CNOT2: variants seen among roughly 807,000 people sequenced by gnomAD.
CNOT2 encodes the protein CC chemokine receptor 4-negative regulator of transcription 2.
Under a neutral mutation model 72.1 loss-of-function variants are expected in CNOT2, and 7 were observed. The ratio of observed to expected loss-of-function variants is 0.10; its 90% CI spans 0.06 to 0.18. The LOEUF (loss-of-function observed/expected upper bound fraction) is 0.18, where lower values mean the gene tolerates loss of function less well. CNOT2 is among the 10% of genes least tolerant of loss of function. The pLI is 1.00. For missense variants in CNOT2, 345 were observed against 660.3 expected, an observed-to-expected ratio of 0.52 and a Z score of 5.23; for synonymous variants, 196 against 225.6, an observed-to-expected ratio of 0.87 and a Z score of 1.17.
intron 3 of CNOT2, among the ~76,000 whole-genome samples, chr12:70,314,553 G>A (rs973455181): frequency 6.6e-6 from 1 of 152,098 alleles, no homozygotes; most frequent in Non-Finnish European, 1.5e-5. Flanking sequence ...CCGTAAATTT[G>A]TACTTCAGCT....
chr12:70,336,212 A>T (rs866559804), intron 8 of CNOT2: 1 of 152,212 alleles, frequency 6.6e-6, no homozygotes, highest in African/African-American at 2.4e-5. Flanking sequence ...GTTGAAAACC[A>T]TTGCTCATGG....
intron 11 of CNOT2, among the ~76,000 whole-genome samples, chr12:70,341,636 T>C (rs1881520380): frequency 6.6e-6 from 1 of 152,186 alleles, no homozygotes; most frequent in Admixed American, 6.6e-5. Flanking sequence ...TGTCGTAAGC[T>C]CCTAGAACAG....
intron 4 of CNOT2, among the ~76,000 whole-genome samples, 155 bp downstream of exon 4, chr12:70,319,519 A>G (rs1404124): frequency 0.14 from 21,923 of 151,788 alleles, 1,924 homozygotes; most frequent in Admixed American, 0.28. Context: ...TTACATAGCA[A>G]AACCTCATTA....
At chr12:70,251,250 A>G (rs2135701794) in intron 1 of CNOT2, among the ~76,000 whole-genome samples, 1 of 152,300 alleles carries the variant, frequency 6.6e-6, no homozygotes, top group Middle Eastern at 3.4e-3. Context: ...GAAACATCCT[A>G]GAGTAGAGTA....
chr12:70,323,066 C>T (rs1041867225), intron 4 of CNOT2: 2 of 151,476 alleles, frequency 1.3e-5, no homozygotes, highest in African/African-American at 2.4e-5. Context: ...CTATACCATT[C>T]TCCTTGAGGA....
At chr12:70,266,977 TC>T (rs1171482954) in intron 1 of CNOT2, among the ~76,000 whole-genome samples, 3 of 147,410 alleles carry the variant, frequency 2.0e-5, no homozygotes, top group Non-Finnish European at 3.0e-5. Flanking sequence ...GCTTTTTCAC[TC>T]ATGTGATTGA....
At chr12:70,281,589 A>G (rs1464757373) in intron 2 of CNOT2, among the ~76,000 whole-genome samples, 1 of 152,104 alleles carries the variant, frequency 6.6e-6, no homozygotes, top group Non-Finnish European at 1.5e-5. Context: ...TATATTGGTT[A>G]TTTTCATGTA....
At chr12:70,317,611 A>AT (rs529433652) in intron 3 of CNOT2, among the ~76,000 whole-genome samples, 4,781 of 105,352 alleles carry the variant, frequency 0.045, 147 homozygotes, top group African/African-American at 0.094. Context: ...ATAAGGTTTG[A>AT]TTTTTTTTTT....
chr12:70,272,467 T>C (rs1868260171), intron 1 of CNOT2, among the ~76,000 whole-genome samples: 1 of 152,210 alleles, frequency 6.6e-6, no homozygotes, highest in African/African-American at 2.4e-5. Context: ...CTGGATGTGT[T>C]TGAGAAACAC....
intron 4 of CNOT2, among the ~76,000 whole-genome samples, chr12:70,320,501 G>A (rs536988875): frequency 6.6e-6 from 1 of 151,652 alleles, no homozygotes; most frequent in Non-Finnish European, 1.5e-5. Context: ...TGTATTAACA[G>A]TTTCTCCAAT....
chr12:70,322,129 T>C (rs1878396651), intron 4 of CNOT2: 1 of 151,850 alleles, frequency 6.6e-6, no homozygotes, highest in African/African-American at 2.4e-5. Flanking sequence ...ACATAAGTTT[T>C]TTGAAACTGC....
rs563137400 is a variant in CNOT2 at position 70,337,291 on chromosome 12, C to G, written c.776-98C>G. On this transcript the variant is annotated intron_variant, in intron 8 of 15. Transcript: ENST00000229195. ...CTTTCATAGCATTAAAAAAAAGAAA[C>G]CTTTTGGTGTATTATCATGAGGAAA... 1.4e-4 allele frequency: 138 copies of G among 968,136 alleles called. 1 individual carries two copies. In the African/African-American group the frequency reaches 2.0e-3, roughly 14 times the overall value. 60.0% of individuals were successfully genotyped at this position (968,136 alleles called of 1,614,324 possible).
At chr12:70,338,018 A>G (rs79078709) in intron 9 of CNOT2, 1 of 241,374 alleles carries the variant, frequency 4.1e-6, no homozygotes, top group Non-Finnish European at 8.1e-6. Flanking sequence ...TAAAATAAGT[A>G]CAAAGTTTTA....
chr12:70,271,902 A>G (rs1306787703), intron 1 of CNOT2, among the ~76,000 whole-genome samples: 1 of 152,192 alleles, frequency 6.6e-6, no homozygotes, highest in Non-Finnish European at 1.5e-5. Context: ...AAGATGCATT[A>G]TAGATGTGCA....
Position 70,339,047 on chromosome 12 carries a change from T to C in CNOT2, c.1178+225T>C, listed in dbSNP as rs1344594039. ...GTGTGTGTGTGTGTGTGTGTGTGTG[T>C]GTGCATGTGCATGTATATATGTGTG... is the stretch of plus-strand genomic sequence containing the variant. On this transcript the variant is annotated intron_variant, in intron 11 of 15. Coordinates refer to ENST00000229195, the MANE Select transcript of CNOT2 (RefSeq NM_014515.7). Among the ~76,000 whole-genome samples the C allele has an allele frequency of 5.8e-5, 8 of 137,408 alleles. No homozygotes were observed. The East Asian group carries it at 1.1e-3, about 18-fold the overall frequency. 90.1% of individuals were successfully genotyped at this position (137,408 alleles called of 152,430 possible).
intron 1 of CNOT2, among the ~76,000 whole-genome samples, chr12:70,273,626 C>A (rs1277848686): frequency 6.6e-6 from 1 of 152,084 alleles, no homozygotes; most frequent in Non-Finnish European, 1.5e-5. Context: ...AAATGAAGAG[C>A]TTTTAATTTT....
chr12:70,253,149 T>G (rs1349570765), intron 1 of CNOT2, among the ~76,000 whole-genome samples: 1 of 152,246 alleles, frequency 6.6e-6, no homozygotes, highest in Non-Finnish European at 1.5e-5. Context: ...GGGCACATAA[T>G]AGGCATTTAA....
chr12:70,264,671 A>T (rs1321715920), intron 1 of CNOT2, among the ~76,000 whole-genome samples: 1 of 152,042 alleles, frequency 6.6e-6, no homozygotes, highest in African/African-American at 2.4e-5. Context: ...TGTCCTGGAG[A>T]GATACTCTAA....
intron 15 of CNOT2, chr12:70,348,040 A>C (rs1882416296): frequency 6.6e-6 from 1 of 152,152 alleles, no homozygotes; most frequent in Admixed American, 6.5e-5. Context: ...CTTTTGTAAA[A>C]TTGAGGTGAG....
Sources: gnomAD v4.1 joint callset for allele counts (sites outside exome capture counted in the v4.1 genomes callset) on GRCh38, gnomAD v4.1.1 for gene constraint, MANE v1.5 for transcripts, NCBI Gene and HGNC (gene_info 2026-07-23, HGNC 2026-07-21) for gene names.